PPARGC1A: variants seen among roughly 807,000 people sequenced by gnomAD.
The protein encoded by PPARGC1A is peroxisome proliferator-activated receptor gamma coactivator 1-alpha.
PPARGC1A carries 25 observed loss-of-function variants against 88.7 expected under a neutral mutation model. The observed-to-expected ratio is 0.28, with a 90% CI of 0.21 to 0.39. The LOEUF (loss-of-function observed/expected upper bound fraction) is 0.39, where lower values mean the gene tolerates loss of function less well. PPARGC1A is among the 10% of genes least tolerant of loss of function. The pLI, the probability that PPARGC1A is intolerant of heterozygous loss-of-function variation, is 1.00. For missense variants in PPARGC1A, 880 were observed against 968.7 expected (o/e 0.91, Z 1.22); for synonymous variants, 363 against 355.6 (o/e 1.02, Z -0.24).
chr4:23,801,617 C>A (rs1002837260), intron 12 of PPARGC1A, 113 bp downstream of exon 12: 1 of 1,166,192 alleles, frequency 8.6e-7, no homozygotes, highest in Non-Finnish European at 1.2e-6. Context: ...TTCAAACATT[C>A]CCTTTAGTAA....
the PPARGC1A span, among the ~76,000 whole-genome samples, chr4:24,435,815 G>T: frequency 6.6e-6 from 1 of 152,172 alleles, no homozygotes; most frequent in African/African-American, 2.4e-5. Flanking sequence ...AAACCACACA[G>T]CATATAAGTA....
the PPARGC1A span, among the ~76,000 whole-genome samples, chr4:24,435,117 G>A: frequency 6.6e-6 from 1 of 152,078 alleles, no homozygotes; most frequent in African/African-American, 2.4e-5. Flanking sequence ...ACGCTGTTGG[G>A]CTTCTCCTGC....
the PPARGC1A span, among the ~76,000 whole-genome samples, chr4:24,465,198 C>G: frequency 3.3e-5 from 5 of 152,214 alleles, no homozygotes; most frequent in African/African-American, 7.2e-5. Flanking sequence ...TATAGTCAAC[C>G]CTTATTAACA....
intron 5 of PPARGC1A, among the ~76,000 whole-genome samples, chr4:23,824,758 T>C (rs1723629223): frequency 6.6e-6 from 1 of 152,124 alleles, no homozygotes; most frequent in African/African-American, 2.4e-5. Flanking sequence ...GAACCCTCCC[T>C]GTTACAGATA....
At chr4:24,059,215 G>A in the PPARGC1A span, among the ~76,000 whole-genome samples, 1 of 152,126 alleles carries the variant, frequency 6.6e-6, no homozygotes. Flanking sequence ...AAATGTAAAA[G>A]TGTGCTTTTT....
chr4:24,354,097 A>C, the PPARGC1A span, among the ~76,000 whole-genome samples: 1 of 152,110 alleles, frequency 6.6e-6, no homozygotes, highest in Non-Finnish European at 1.5e-5. Context: ...CACTCACTCA[A>C]GTTGTTGGCA....
chr4:24,387,919 A>AAAG, the PPARGC1A span, among the ~76,000 whole-genome samples: 1 of 11,998 alleles, frequency 8.3e-5, no homozygotes, highest in Admixed American at 2.0e-3. Context: ...AGAAAGAAAG[A>AAAG]AAGAAAGAAA....
At chr4:24,084,470 G>C in the PPARGC1A span, among the ~76,000 whole-genome samples, 3 of 152,210 alleles carry the variant, frequency 2.0e-5, no homozygotes, top group Non-Finnish European at 4.4e-5. Context: ...GGAGGAGAAA[G>C]GAGCAGAACT....
In PPARGC1A at chr4:23,814,618, TTA is replaced by T. The variant is rs1491393546; in HGVS notation, c.878-15_878-14del. 11 of 1,187,598 alleles carry T rather than the reference TTA, an allele frequency of 9.3e-6. No homozygotes were observed. Among genetic ancestry groups the T allele is most frequent in the South Asian group, 5.9e-5 (2 of 34,050 alleles). 73.6% of individuals were successfully genotyped at this position (1,187,598 alleles called of 1,614,324 possible). ...GGTGGAGTTAGGCCTAAGGCAAAAA[TTA>T]AAAAAAAAAAAAAAAAGAGAGAGAA... On this transcript the variant is annotated splice_polypyrimidine_tract_variant and intron_variant, in intron 7 of 12. Coordinates refer to ENST00000264867, the MANE Select transcript of PPARGC1A (RefSeq NM_013261.5).
chr4:24,272,971 G>A, the PPARGC1A span, among the ~76,000 whole-genome samples: 24,945 of 152,144 alleles, frequency 0.16, 2,406 homozygotes, highest in Middle Eastern at 0.31. Flanking sequence ...TAAAGGGAAG[G>A]AATAAAATTT....
the PPARGC1A span, among the ~76,000 whole-genome samples, chr4:24,072,831 CTCT>C: frequency 6.6e-6 from 1 of 152,074 alleles, no homozygotes. Context: ...TTGTGAATTG[CTCT>C]AATTTTATGT....
the PPARGC1A span, among the ~76,000 whole-genome samples, chr4:24,215,614 A>T: frequency 6.6e-6 from 1 of 152,110 alleles, no homozygotes; most frequent in Non-Finnish European, 1.5e-5. Context: ...AAATAAAGAC[A>T]TAAATGAAGA....
chr4:23,916,461 C>T, the PPARGC1A span, among the ~76,000 whole-genome samples: 4 of 152,152 alleles, frequency 2.6e-5, no homozygotes, highest in South Asian at 8.3e-4. Context: ...AGATTTCTTT[C>T]TCTGCCATAA....
At chr4:24,433,022 A>G in the PPARGC1A span, among the ~76,000 whole-genome samples, 1 of 152,204 alleles carries the variant, frequency 6.6e-6, no homozygotes, top group East Asian at 1.9e-4. Flanking sequence ...TATTTAAATT[A>G]CTTCCCCATG....
At chr4:24,261,066 G>A in the PPARGC1A span, among the ~76,000 whole-genome samples, 3 of 152,014 alleles carry the variant, frequency 2.0e-5, no homozygotes, top group Non-Finnish European at 4.4e-5. Context: ...TGTCAGTTTC[G>A]CTGGCCTGTT....
intron 2 of PPARGC1A, among the ~76,000 whole-genome samples, chr4:23,879,554 C>T (rs1052203689): frequency 1.3e-5 from 2 of 152,150 alleles, no homozygotes; most frequent in Admixed American, 6.5e-5. Context: ...TCTCTCTATC[C>T]GAACTCAGAG....
At chr4:24,003,970 T>C in the PPARGC1A span, among the ~76,000 whole-genome samples, 1 of 152,128 alleles carries the variant, frequency 6.6e-6, no homozygotes, top group Non-Finnish European at 1.5e-5. Flanking sequence ...TAAACAGCAA[T>C]GCAATCTTCA....
intron 2 of PPARGC1A, among the ~76,000 whole-genome samples, chr4:23,846,287 ATGT>A (rs1728312099): frequency 6.6e-6 from 1 of 152,194 alleles, no homozygotes; most frequent in East Asian, 1.9e-4. Context: ...CAACAGTATG[ATGT>A]TGGAGATGAG....
At chr4:24,253,344 G>C in the PPARGC1A span, among the ~76,000 whole-genome samples, 1 of 152,114 alleles carries the variant, frequency 6.6e-6, no homozygotes, top group East Asian at 1.9e-4. Flanking sequence ...GAGCACTAGA[G>C]GCAAGGGAAT....
Sources: gnomAD v4.1 joint callset for allele counts (sites outside exome capture counted in the v4.1 genomes callset) on GRCh38, gnomAD v4.1.1 for gene constraint, MANE v1.5 for transcripts, NCBI Gene and HGNC (gene_info 2026-07-23, HGNC 2026-07-21) for gene names.